The following SIGLEC12 variants were observed in gnomAD, a reference collection of about 807,000 sequenced individuals.
SIGLEC12 encodes the protein sialic acid-binding Ig-like lectin 12.
SIGLEC12 carries 43 observed loss-of-function variants against 54.1 expected under a neutral mutation model. That is an observed-to-expected ratio of 0.80 (90% CI 0.62 to 1.03). The LOEUF is 1.03. Among genes scored for constraint, SIGLEC12 ranks in the 50% least tolerant of loss-of-function variants. The probability of loss-of-function intolerance (pLI) is 0.00; values close to 1 mark genes in which losing one functional copy is unlikely to be tolerated. For missense variants in SIGLEC12, 802 were observed against 735.2 expected (o/e 1.09, Z -1.05); for synonymous variants, 357 against 307.6 (o/e 1.16, Z -1.68).
chr19:51,495,750 G>C (rs1990226569), intron 7 of SIGLEC12, among the ~76,000 whole-genome samples: 1 of 152,118 alleles, frequency 6.6e-6, no homozygotes, highest in African/African-American at 2.4e-5. Context: ...CTTCTCTTAG[G>C]AGATGCTCTA....
intron 7 of SIGLEC12, among the ~76,000 whole-genome samples, 159 bp from the exon 8 acceptor site, chr19:51,491,988 T>C (rs1386789701): frequency 6.6e-6 from 1 of 152,206 alleles, no homozygotes; most frequent in African/African-American, 2.4e-5. Context: ...AATACTCAAT[T>C]ATCACCTTAT....
chr19:51,491,729 G>A lies in SIGLEC12; in HGVS notation c.1700C>T (p.Ser567Phe), dbSNP rs763900834. ...AGGCCTCGCTTTGTGGAAGCTGAGG[G>A]ATGCATACTGGATCTCTCCTTCCTC... ...SPEEGEIQYASLSFHKARPQY... is the reference protein window; with the variant it reads ...SPEEGEIQYAFLSFHKARPQY... Residue 567 changes from serine to phenylalanine, a missense_variant, in exon 8 of 8, where the codon TCC (serine) becomes TTC (phenylalanine). Ser to Phe is a radical substitution (Grantham distance 155, BLOSUM62 -2). Coordinates refer to ENST00000291707, the MANE Select transcript of SIGLEC12 (RefSeq NM_053003.4). 3.7e-6 allele frequency: 6 copies of A among 1,613,964 alleles called. No homozygotes were observed. In the South Asian group the frequency reaches 5.5e-5, roughly 15 times the overall value.
At chr19:51,493,265 G>C (rs555173946) in intron 7 of SIGLEC12, among the ~76,000 whole-genome samples, 1 of 152,140 alleles carries the variant, frequency 6.6e-6, no homozygotes, top group South Asian at 2.1e-4. Flanking sequence ...ACAGGACATC[G>C]TGCTTTCTGG....
At position 51,491,785 on chromosome 19, in the gene SIGLEC12, A is replaced by C. The variant is rs770936513; in HGVS notation, c.1644T>G (p.His548Gln). Residue 548 changes from histidine (H) to glutamine (Q), a missense_variant, in exon 8 of 8, where the codon CAT becomes CAG. By Grantham distance (24) the His-to-Gln change is conservative. Coordinates refer to ENST00000291707, the MANE Select transcript of SIGLEC12 (RefSeq NM_053003.4). ...ESPADDSPPH[H>Q]APPALATPSP... ...AGGGGGTGGCCAGGGCTGGCGGAGCATGGTGTGGGGGGCTGTCATCTGCCG... is the reference window on the plus strand; with the variant it reads ...AGGGGGTGGCCAGGGCTGGCGGAGCCTGGTGTGGGGGGCTGTCATCTGCCG... 7.5e-6 allele frequency: 12 copies of C among 1,603,884 alleles called. No homozygotes were observed. The highest frequency in any genetic ancestry group is 7.7e-6 in the Non-Finnish European group (9 of 1,175,090).
At position 51,499,983 on chromosome 19, in the gene SIGLEC12, G is replaced by A; in HGVS notation, c.745C>T (p.Gln249Ter). The stretch of plus-strand genomic sequence containing the variant: ...CATTTCCTGCTTCCTCTCTCCACCT[G>A]GAAGTAGTACTTCCCTGAATCCCCC... ...RKGDSGKYYFQVERGSRKWNY... is the reference protein window; with the variant it reads ...RKGDSGKYYF The change falls in exon 2 of 8, where the codon CAG becomes TAG. Residue 249 changes from glutamine to a stop codon, truncating the protein, a stop_gained. Coordinates refer to ENST00000291707, the MANE Select transcript of SIGLEC12 (RefSeq NM_053003.4). LOFTEE classifies it high-confidence loss of function. 3.1e-6 allele frequency: 5 copies of A among 1,614,144 alleles called. No homozygotes were observed. In the South Asian group the frequency reaches 5.5e-5, roughly 18 times the overall value.
chr19:51,496,243 G>C (rs997578920), intron 7 of SIGLEC12, among the ~76,000 whole-genome samples: 1 of 152,220 alleles, frequency 6.6e-6, no homozygotes, highest in Non-Finnish European at 1.5e-5. Flanking sequence ...GCTGAGGCAG[G>C]CGATCACCTG....
chr19:51,493,542 C>T (rs956505086), intron 7 of SIGLEC12, among the ~76,000 whole-genome samples: 16 of 152,186 alleles, frequency 1.1e-4, no homozygotes, highest in African/African-American at 3.9e-4. Context: ...TATCTGAACT[C>T]CTCCTTTTTT....
In SIGLEC12 at chr19:51,499,232, C is replaced by T; in HGVS notation, c.1088-15G>A. The T allele has an allele frequency of 6.2e-7, 1 of 1,613,856 alleles. No homozygotes were observed. The highest frequency in any genetic ancestry group is 8.5e-7 in the Non-Finnish European group (1 of 1,179,756). On this transcript the variant is annotated splice_polypyrimidine_tract_variant and intron_variant, in intron 3 of 7. Coordinates refer to ENST00000291707, the MANE Select transcript of SIGLEC12 (RefSeq NM_053003.4). ...CTGAGGAGGATCTGGAACAGAAAGA[C>T]ACGGAGTTCCCATCACTTTGAGGAC...
At position 51,498,070 on chromosome 19, in the gene SIGLEC12, A is replaced by G. The variant is rs1229878657; in HGVS notation, c.1353T>C (p.Pro451=). 6.2e-7 allele frequency: 1 copy of G among 1,614,120 alleles called. No individual in the cohort carries two copies. Among genetic ancestry groups the G allele is most frequent in the East Asian group, 2.2e-5 (1 of 44,898 alleles). ...EGEFTCRAQN[P]LGSQHISLSL... is the part of the protein sequence containing the mutation. ...TCAGGGAAATGTGCTGGGAGCCTAG[A>G]GGGTTCTGAGCTCGGCAGGTGAATT... Residue 451 remains proline, a synonymous_variant, in exon 5 of 8, where the codon CCT becomes CCC. Coordinates refer to ENST00000291707, the MANE Select transcript of SIGLEC12 (RefSeq NM_053003.4).
At chr19:51,500,382 C>A (rs976324755) in intron 1 of SIGLEC12, 82 bp from the exon 2 acceptor site, 5 of 1,609,344 alleles carry the variant, frequency 3.1e-6, no homozygotes, top group African/African-American at 1.3e-5. Context: ...ATCTCTGAGG[C>A]AGAGGCTTCC....
intron 7 of SIGLEC12, among the ~76,000 whole-genome samples, chr19:51,494,903 T>C (rs1599950770): frequency 6.6e-6 from 1 of 152,182 alleles, no homozygotes; most frequent in East Asian, 1.9e-4. Flanking sequence ...ATATGAGGTA[T>C]CTAGAATAGT....
intron 7 of SIGLEC12, among the ~76,000 whole-genome samples, chr19:51,492,728 A>G (rs1990139713): frequency 6.6e-6 from 1 of 152,198 alleles, no homozygotes; most frequent in South Asian, 2.1e-4. Context: ...GAGCCAAGGA[A>G]TGCAGGTGCC....
Position 51,498,254 on chromosome 19 carries a change from G to T in SIGLEC12, c.1169C>A (p.Ser390Ter), listed in dbSNP as rs1206963231. The T allele has an allele frequency of 6.2e-7, 1 of 1,612,476 alleles. No individual in the cohort carries two copies. The highest frequency in any genetic ancestry group is 1.7e-5 in the Admixed American group (1 of 59,942). The change falls in exon 5 of 8, where the codon TCA (serine) becomes TAA (stop). Residue 390 changes from serine to a stop codon, truncating the protein, a stop_gained. Transcript: ENST00000291707. LOFTEE classifies it high-confidence loss of function. ...STTLRNGSALSVLEGQSLHLV... is the reference protein window; with the variant it reads ...STTLRNGSAL ...GTGCAGGGACTGGCCCTCCAGGACTGAAAGGGCCGAGCCATTCCTCAAGGT... is the reference window on the plus strand; with the variant it reads ...GTGCAGGGACTGGCCCTCCAGGACTTAAAGGGCCGAGCCATTCCTCAAGGT...
chr19:51,498,310 G>T, intron 4 of SIGLEC12, 23 bp from the exon 5 acceptor site: 2 of 1,574,834 alleles, frequency 1.3e-6, no homozygotes, highest in Non-Finnish European at 1.7e-6. Flanking sequence ...AGACAGAAGG[G>T]CAGAGAGAGA....
Position 51,501,465 on chromosome 19 carries a change from C to G in SIGLEC12, c.269G>C (p.Arg90Pro). Residue 90 changes from arginine (R) to proline (P), a missense_variant, in exon 1 of 8, where the codon CGG (arginine) becomes CCG (proline). By Grantham distance (103) the Arg-to-Pro change is moderately radical. Coordinates refer to ENST00000291707, the MANE Select transcript of SIGLEC12 (RefSeq NM_053003.4). Reference protein sequence around the residue: ...NPARAVQEETRDRFHLLGDPQ... With the variant: ...NPARAVQEETPDRFHLLGDPQ... ...GTCCCCAAGGAGGTGGAATCGGTCC[C>G]GAGTCTCCTCCTGCACTGCTCGAGC... is the stretch of plus-strand genomic sequence containing the variant. The G allele has an allele frequency of 6.2e-7, 1 of 1,614,178 alleles. No individual in the cohort carries two copies. The highest frequency in any genetic ancestry group is 8.5e-7 in the Non-Finnish European group (1 of 1,180,028).
At chr19:51,496,202 G>C (rs1431854370) in intron 7 of SIGLEC12, among the ~76,000 whole-genome samples, 13 of 152,190 alleles carry the variant, frequency 8.5e-5, no homozygotes. Flanking sequence ...GGGCGCGGTG[G>C]CTCACGCCTA....
In SIGLEC12 at chr19:51,491,778, G is replaced by T; in HGVS notation, c.1651C>A (p.Pro551Thr). 6.2e-7 allele frequency: 1 copy of T among 1,607,110 alleles called. No homozygotes were observed. The highest frequency in any genetic ancestry group is 8.5e-7 in the Non-Finnish European group (1 of 1,176,438). The change falls in exon 8 of 8, where the codon CCA becomes ACA. Residue 551 changes from proline to threonine, a missense_variant. Pro to Thr is a conservative substitution (Grantham distance 38). Transcript: ENST00000291707. ...ADDSPPHHAP[P>T]ALATPSPEEG... ...TCTGGGGAGGGGGTGGCCAGGGCTG[G>T]CGGAGCATGGTGTGGGGGGCTGTCA...
chr19:51,491,912 G>T, intron 7 of SIGLEC12, 83 bp from the exon 8 acceptor site: 1 of 1,124,532 alleles, frequency 8.9e-7, no homozygotes, highest in Non-Finnish European at 1.2e-6. Flanking sequence ...AGGCCCAGGA[G>T]TTCCTTCCTC....
intron 7 of SIGLEC12, among the ~76,000 whole-genome samples, chr19:51,493,528 A>G (rs531907039): frequency 2.8e-4 from 42 of 152,176 alleles, no homozygotes; most frequent in African/African-American, 8.4e-4. Flanking sequence ...AATGCAACCT[A>G]TTCTATCTGA....
Sources: allele counts gnomAD v4.1 joint callset (sites outside exome capture counted in the v4.1 genomes callset), GRCh38; gene constraint gnomAD v4.1.1; transcripts MANE v1.5; gene names NCBI Gene and HGNC (gene_info 2026-07-23, HGNC 2026-07-21).